Variants in SREBF2 observed in about 807,000 individuals in gnomAD.
SREBF2 encodes the protein sterol regulatory element-binding protein 2.
A neutral mutation model predicts 113.1 loss-of-function variants in SREBF2; 55 were observed. That is an observed-to-expected ratio of 0.49 (90% CI 0.39 to 0.61). The LOEUF is 0.61. SREBF2 is among the 20% of genes least tolerant of loss of function. SREBF2 has a pLI of 0.00. For missense variants in SREBF2, 1,349 were observed against 1,487.4 expected (o/e 0.91, Z 1.53); for synonymous variants, 593 against 605.7 (o/e 0.98, Z 0.31).
At chr22:41,884,429 C>G (rs1009172358) in intron 10 of SREBF2, among the ~76,000 whole-genome samples, 1 of 152,168 alleles carries the variant, frequency 6.6e-6, no homozygotes, top group African/African-American at 2.4e-5. Flanking sequence ...GAGCCACTGG[C>G]ACCCAGCCAC....
At chr22:41,868,814 A>G (rs763947707) in intron 3 of SREBF2, 22 bp downstream of exon 3, 8 of 1,591,678 alleles carry the variant, frequency 5.0e-6, no homozygotes, top group Non-Finnish European at 6.8e-6. Context: ...GAAAGGATTC[A>G]GGGAGGCACT....
chr22:41,861,079 G>A (rs1344309708), intron 1 of SREBF2, among the ~76,000 whole-genome samples: 1 of 152,208 alleles, frequency 6.6e-6, no homozygotes, highest in Non-Finnish European at 1.5e-5. Flanking sequence ...AGGGTGCAAA[G>A]TAGCATGTTC....
chr22:41,862,761 C>T (rs1043453213), intron 1 of SREBF2, among the ~76,000 whole-genome samples: 1 of 152,204 alleles, frequency 6.6e-6, no homozygotes, highest in African/African-American at 2.4e-5. Flanking sequence ...TCTGCGTGCC[C>T]TTCTGGAGCT....
chr22:41,877,963 G>A lies in SREBF2; in HGVS notation c.1601G>A (p.Trp534Ter). 2 of 1,614,170 alleles carry A rather than the reference G, an allele frequency of 1.2e-6. No individual in the cohort carries two copies. Among genetic ancestry groups the A allele is most frequent in the Non-Finnish European group, 1.7e-6 (2 of 1,180,046 alleles). The change falls in exon 9 of 19, where the codon TGG (tryptophan) becomes TAG (stop). Residue 534 changes from tryptophan (W) to a stop codon, truncating the protein, a stop_gained. Transcript: ENST00000361204. LOFTEE classifies it high-confidence loss of function. ...FESGSGGWFD[W>*]MMPTLLLWLV... is the part of the protein sequence containing the mutation. ...TTAGGTTCTGGGGGCTGGTTTGACT[G>A]GATGATGCCTACTCTTCTCTTATGG... is the stretch of plus-strand genomic sequence containing the variant.
intron 12 of SREBF2, among the ~76,000 whole-genome samples, chr22:41,893,667 C>T (rs2077385298): frequency 6.6e-6 from 1 of 152,058 alleles, no homozygotes; most frequent in Non-Finnish European, 1.5e-5. Context: ...CAGGTCTCTC[C>T]CATTGGGAGA....
At chr22:41,850,392 A>G (rs1417219977) in intron 1 of SREBF2, among the ~76,000 whole-genome samples, 1 of 151,580 alleles carries the variant, frequency 6.6e-6, no homozygotes, top group Non-Finnish European at 1.5e-5. Context: ...CGGAGGCTGC[A>G]GTGAGCCGAG....
chr22:41,890,237 C>G (rs1408969898), intron 11 of SREBF2, among the ~76,000 whole-genome samples: 5 of 152,176 alleles, frequency 3.3e-5, no homozygotes, highest in African/African-American at 1.2e-4. Flanking sequence ...ATCACTCTCT[C>G]TCTTTTCCAC....
chr22:41,855,205 G>A (rs1320389639), intron 1 of SREBF2, among the ~76,000 whole-genome samples: 1 of 152,032 alleles, frequency 6.6e-6, no homozygotes, highest in African/African-American at 2.4e-5. Context: ...AAAAAAGAAT[G>A]CAGGAATAAG....
Position 41,872,968 on chromosome 22 carries a change from C to T in SREBF2, c.868-830C>T, listed in dbSNP as rs567370501. Among the ~76,000 whole-genome samples the T allele has an allele frequency of 5.9e-5, 9 of 151,744 alleles. No individual in the cohort carries two copies. The South Asian group carries it at 1.9e-3, about 32-fold the overall frequency. On this transcript the variant is annotated intron_variant, in intron 4 of 18. Coordinates refer to ENST00000361204, the MANE Select transcript of SREBF2 (RefSeq NM_004599.4). ...ATCCCAGCACTTTGGGAGGCCAAGG[C>T]GGGTGGATCACCTGAGGTCAGCAGT...
chr22:41,853,803 C>T (rs943616274), intron 1 of SREBF2, among the ~76,000 whole-genome samples: 8 of 151,834 alleles, frequency 5.3e-5, no homozygotes, highest in African/African-American at 1.2e-4. Flanking sequence ...TGGGAGGCCG[C>T]GGCAGGTGGA....
At chr22:41,892,198 C>G (rs2077370231) in intron 11 of SREBF2, among the ~76,000 whole-genome samples, 1 of 152,218 alleles carries the variant, frequency 6.6e-6, no homozygotes, top group Admixed American at 6.5e-5. Context: ...GGGCTGTCCT[C>G]CCAGCTGCCC....
intron 14 of SREBF2, 77 bp downstream of exon 14, chr22:41,897,238 G>A: frequency 1.0e-6 from 1 of 952,936 alleles, no homozygotes; most frequent in Non-Finnish European, 1.6e-6. Context: ...CAGGGGTCCA[G>A]GGCGTTAGGA....
Position 41,905,775 on chromosome 22 carries a change from AG to A in SREBF2, c.*117del. The A allele has an allele frequency of 8.0e-7, 1 of 1,247,516 alleles. No individual in the cohort carries two copies. Among genetic ancestry groups the A allele is most frequent in the African/African-American group, 1.5e-5 (1 of 67,180 alleles). 77.3% of individuals were successfully genotyped at this position (1,247,516 alleles called of 1,614,324 possible). Reference sequence around the variant, plus strand: ...TTGTCTTCTTAGCTGTCACCTGCCGAGGCTTCTGGGCCACTCAGGCCAGTGC... The same window carrying A: ...TTGTCTTCTTAGCTGTCACCTGCCGAGCTTCTGGGCCACTCAGGCCAGTGC... On this transcript the variant is annotated 3_prime_UTR_variant, in exon 19 of 19. Coordinates refer to ENST00000361204, the MANE Select transcript of SREBF2 (RefSeq NM_004599.4).
intron 14 of SREBF2, 98 bp downstream of exon 14, chr22:41,897,259 C>A: frequency 1.4e-6 from 1 of 706,368 alleles, no homozygotes; most frequent in Non-Finnish European, 2.4e-6. Context: ...GTGTAGATGC[C>A]AGCATCTTCT....
At chr22:41,854,386 T>G (rs2076958898) in intron 1 of SREBF2, among the ~76,000 whole-genome samples, 2 of 150,448 alleles carry the variant, frequency 1.3e-5, no homozygotes, top group South Asian at 4.3e-4. Context: ...AGTCTCGAAC[T>G]CCTGACCTCA....
rs561909168 is a variant in SREBF2, at chr22:41,875,712, G to A, written c.1374G>A (p.Leu458=). Residue 458 remains leucine, a synonymous_variant, in exon 7 of 19, where the codon TTG becomes TTA. Coordinates refer to ENST00000361204, the MANE Select transcript of SREBF2 (RefSeq NM_004599.4). ...ACTCTGAGCCAGGAAGCCCTCTATT[G>A]GATGATGCAAAGGTACAGACTTTTG... is the stretch of plus-strand genomic sequence containing the variant. ...SIDSEPGSPL[L]DDAKVKDEPD... The A allele has an allele frequency of 1.9e-6, 3 of 1,614,004 alleles. No homozygotes were observed. Among genetic ancestry groups the A allele is most frequent in the East Asian group, 2.2e-5 (1 of 44,906 alleles).
intron 1 of SREBF2, among the ~76,000 whole-genome samples, chr22:41,842,650 G>A (rs2076840508): frequency 6.6e-6 from 1 of 152,182 alleles, no homozygotes; most frequent in African/African-American, 2.4e-5. Context: ...TCAAAGCCAG[G>A]GTGGTGCTGT....
At chr22:41,839,552 TGA>T (rs1389720030) in intron 1 of SREBF2, among the ~76,000 whole-genome samples, 2 of 151,758 alleles carry the variant, frequency 1.3e-5, no homozygotes, top group Non-Finnish European at 2.9e-5. Context: ...GAAGCAGGGG[TGA>T]GTGGGAGATG....
At chr22:41,895,932 A>G (rs1483363892) in intron 13 of SREBF2, among the ~76,000 whole-genome samples, 1 of 151,964 alleles carries the variant, frequency 6.6e-6, no homozygotes, top group Non-Finnish European at 1.5e-5. Flanking sequence ...TCACGAGGTC[A>G]GGAGATCGAG....
Sources: allele counts gnomAD v4.1 joint callset (sites outside exome capture counted in the v4.1 genomes callset), GRCh38; gene constraint gnomAD v4.1.1; transcripts MANE v1.5; gene names NCBI Gene and HGNC (gene_info 2026-07-23, HGNC 2026-07-21).